The following ZNF519 variants were observed in gnomAD, a reference collection of about 807,000 sequenced individuals.
ZNF519 encodes the protein similar to Zinc finger protein 85 (Zinc finger protein HPF4) (HTF1).
A neutral mutation model predicts 7.4 loss-of-function variants in ZNF519; 7 were observed. That is an observed-to-expected ratio of 0.94 (90% CI 0.54 to 1.77). The LOEUF (loss-of-function observed/expected upper bound fraction) is 1.77, where lower values mean the gene tolerates loss of function less well. Among genes scored for constraint, ZNF519 ranks in the 40% most tolerant of loss-of-function variants. The probability of loss-of-function intolerance (pLI) is 0.00; values close to 1 mark genes in which losing one functional copy is unlikely to be tolerated. For synonymous variants in ZNF519, 179 were observed against 203.3 expected, an observed-to-expected ratio of 0.88 and a Z score of 1.02; for missense variants, 586 against 623.1, an observed-to-expected ratio of 0.94 and a Z score of 0.63.
intron 3 of ZNF519, chr18:14,084,837 G>A (rs1218397819): frequency 6.6e-6 from 1 of 152,118 alleles, no homozygotes; most frequent in Non-Finnish European, 1.5e-5. Flanking sequence ...AAGTATTCTG[G>A]AAAACTTTGT....
At chr18:14,128,320 C>T (rs1270297392) in intron 1 of ZNF519, among the ~76,000 whole-genome samples, 1 of 113,146 alleles carries the variant, frequency 8.8e-6, no homozygotes, top group East Asian at 2.0e-4. Context: ...AAACTCTCCA[C>T]CATAACAGAA....
At chr18:14,080,969 G>A (rs2046068774) in intron 3 of ZNF519, among the ~76,000 whole-genome samples, 1 of 152,214 alleles carries the variant, frequency 6.6e-6, no homozygotes, top group Admixed American at 6.5e-5. Flanking sequence ...TCTGGAAACA[G>A]TAAAACTATA....
chr18:14,097,760 T>C (rs1482833652), downstream of ZNF519, among the ~76,000 whole-genome samples: 1 of 152,148 alleles, frequency 6.6e-6, no homozygotes, highest in East Asian at 1.9e-4. Flanking sequence ...TTTTGTCCTT[T>C]TGAGTTTATG....
chr18:14,082,811 T>G (rs1037633106), intron 3 of ZNF519: 1 of 151,926 alleles, frequency 6.6e-6, no homozygotes, highest in East Asian at 1.9e-4. Flanking sequence ...TATCAGCTAC[T>G]CAAGTAGCTG....
chr18:14,131,835 C>T (rs1484150242), intron 1 of ZNF519, among the ~76,000 whole-genome samples: 1 of 152,154 alleles, frequency 6.6e-6, no homozygotes, highest in Non-Finnish European at 1.5e-5. Flanking sequence ...CTTCTAGTAG[C>T]CCCCCAACCA....
rs1445562526 is a variant in ZNF519, at chr18:14,080,009, G to A, written c.*178-1711C>T. Among the ~76,000 whole-genome samples, 6 of 151,672 alleles carry A rather than the reference G, an allele frequency of 4.0e-5. No homozygotes were observed. The East Asian group carries it at 7.7e-4, about 20-fold the overall frequency. On this transcript the variant is annotated intron_variant and NMD_transcript_variant, in intron 3 of 4. Transcript: ENST00000587419. ...AAAATATTTATAAAACATGTATCTC[G>A]TAGCTCTTAAAACTCAAAAATAAGA...
intron 2 of ZNF519, among the ~76,000 whole-genome samples, chr18:14,116,958 C>A (rs2046248946): frequency 6.6e-6 from 1 of 152,128 alleles, no homozygotes; most frequent in African/African-American, 2.4e-5. Context: ...TTGCAGTGAA[C>A]CAAGATCATG....
chr18:14,106,151 A>G lies in ZNF519; in HGVS notation c.389T>C (p.Phe130Ser), dbSNP rs1404191376. 2.0e-5 allele frequency: 32 copies of G among 1,611,792 alleles called. No individual in the cohort carries two copies. Among genetic ancestry groups the G allele is most frequent in the Middle Eastern group, 3.3e-4 (2 of 6,048 alleles). The part of the protein sequence containing the change: ...EYRIFQKKPQ[F>S]LSAAPTEPCI... ...TGGTTCTGTAGGAGCAGCTGACAGA[A>G]ACTGAGGCTTCTTCTGAAATATTCT... is the stretch of plus-strand genomic sequence containing the variant. The change falls in exon 3 of 3, where the codon TTT becomes TCT. Residue 130 changes from phenylalanine to serine, a missense_variant. Phe to Ser is a radical substitution (Grantham distance 155). Coordinates refer to ENST00000590202, the MANE Select transcript of ZNF519 (RefSeq NM_145287.4).
At position 14,105,958 on chromosome 18, in the gene ZNF519, T is replaced by C. The variant is rs1316396557; in HGVS notation, c.582A>G (p.Ser194=). 3 of 1,603,424 alleles carry C rather than the reference T, an allele frequency of 1.9e-6. No individual in the cohort carries two copies. The highest frequency in any genetic ancestry group is 2.7e-5 in the African/African-American group (2 of 74,566). Residue 194 remains serine (S), a synonymous_variant, in exon 3 of 3, where the codon TCA becomes TCG. Coordinates refer to ENST00000590202, the MANE Select transcript of ZNF519 (RefSeq NM_145287.4). The part of the protein sequence containing the change: ...NECEKVFYQS[S]KLIFPENIHI... The stretch of plus-strand genomic sequence containing the variant: ...GGATATTTTCAGGGAAAATAAGCTT[T>C]GAGGATTGGTAAAATACTTTTTCAC...
Position 14,105,580 on chromosome 18 carries a change from G to A in ZNF519, c.960C>T (p.Phe320=), listed in dbSNP as rs1226159779. ...HQRIHTGEKP[F]KCKECGKAFN... ...AAGCTTTGCCACATTCCTTACACTTGAAAGGCTTCTCTCCAGTATGGATTC... is the reference window on the plus strand; with the variant it reads ...AAGCTTTGCCACATTCCTTACACTTAAAAGGCTTCTCTCCAGTATGGATTC... Residue 320 remains phenylalanine (F), a synonymous_variant, in exon 3 of 3, where the codon TTC becomes TTT. Transcript: ENST00000590202. 1.9e-6 allele frequency: 3 copies of A among 1,614,106 alleles called. No individual in the cohort carries two copies. Among genetic ancestry groups the A allele is most frequent in the Non-Finnish European group, 2.5e-6 (3 of 1,180,018 alleles).
At chr18:14,073,290 A>G (rs1233457004), downstream of ZNF519, 2 of 127,034 alleles carry the variant, frequency 1.6e-5, no homozygotes, top group Non-Finnish European at 3.5e-5. Flanking sequence ...ATTTATTTTG[A>G]GATGGAGTCT....
intron 2 of ZNF519, among the ~76,000 whole-genome samples, chr18:14,119,557 C>T (rs547634865): frequency 1.3e-5 from 2 of 152,200 alleles, no homozygotes; most frequent in Non-Finnish European, 2.9e-5. Context: ...CCTTAGAGTA[C>T]AACAACAAAA....
intron 1 of ZNF519, among the ~76,000 whole-genome samples, chr18:14,128,085 C>T (rs923376000): frequency 1.3e-5 from 2 of 151,720 alleles, no homozygotes; most frequent in Non-Finnish European, 1.5e-5. Flanking sequence ...GTCAGGAGAT[C>T]GAGACCATCC....
At chr18:14,126,397 TC>T (rs1240055737) in intron 1 of ZNF519, among the ~76,000 whole-genome samples, 4 of 152,222 alleles carry the variant, frequency 2.6e-5, no homozygotes, top group African/African-American at 9.6e-5. Context: ...AAATATTTAT[TC>T]TTAGCAAGGT....
In ZNF519 at chr18:14,101,680, G is replaced by A. The variant is rs757882048; in HGVS notation, c.*3237C>T. 5.0e-6 allele frequency: 2 copies of A among 398,638 alleles called. No homozygotes were observed. The highest frequency in any genetic ancestry group is 1.3e-4 in the South Asian group (1 of 7,852). The allele number at this position is 398,638 out of a possible 1,614,324, so 24.7% of individuals were successfully genotyped here. A position where few individuals can be genotyped will look rare whatever the true frequency, so the allele number is the denominator to read the frequency against. The stretch of plus-strand genomic sequence containing the variant: ...CCATCTCTACACCCACACCCCAATC[G>A]AGGCAGGAATGGCCATGACAGCATG... On this transcript the variant is annotated 3_prime_UTR_variant, in exon 3 of 3. Transcript: ENST00000590202.
At chr18:14,128,544 G>A (rs2046313172) in intron 1 of ZNF519, among the ~76,000 whole-genome samples, 1 of 152,092 alleles carries the variant, frequency 6.6e-6, no homozygotes, top group Non-Finnish European at 1.5e-5. Flanking sequence ...TTCATGACAG[G>A]AGGTAGTGTT....
At chr18:14,110,015 A>G (rs1197066718) in intron 2 of ZNF519, among the ~76,000 whole-genome samples, 2 of 152,164 alleles carry the variant, frequency 1.3e-5, no homozygotes, top group Non-Finnish European at 1.5e-5. Flanking sequence ...AGCATAATAG[A>G]GAATCCAGAA....
At position 14,105,565 on chromosome 18, in the gene ZNF519, A is replaced by G. The variant is rs1268072424; in HGVS notation, c.975T>C (p.Cys325=). 1.2e-5 allele frequency: 20 copies of G among 1,613,988 alleles called. No homozygotes were observed. The highest frequency in any genetic ancestry group is 1.7e-5 in the Non-Finnish European group (20 of 1,180,012). The stretch of plus-strand genomic sequence containing the variant: ...ATGAGCCTCTGTTAAAAGCTTTGCC[A>G]CATTCCTTACACTTGAAAGGCTTCT... ...TGEKPFKCKE[C]GKAFNRGSYL... is the part of the protein sequence containing the mutation. The change falls in exon 3 of 3, where the codon TGT becomes TGC. Residue 325 remains cysteine, a synonymous_variant. Transcript: ENST00000590202.
At chr18:14,110,847 T>A (rs1405778641) in intron 2 of ZNF519, among the ~76,000 whole-genome samples, 1 of 152,128 alleles carries the variant, frequency 6.6e-6, no homozygotes, top group Non-Finnish European at 1.5e-5. Context: ...TCTACGAGGA[T>A]GCAAAGGCAT....
Sources: gnomAD v4.1 joint callset for allele counts (sites outside exome capture counted in the v4.1 genomes callset) on GRCh38, gnomAD v4.1.1 for gene constraint, MANE v1.5 for transcripts, NCBI Gene and HGNC (gene_info 2026-07-23, HGNC 2026-07-21) for gene names.